HS3ST4: variants seen among roughly 807,000 people sequenced by gnomAD.
The protein encoded by HS3ST4 is heparan sulfate-glucosamine 3-sulfotransferase 4, also known as heparan sulfate glucosamine 3-O-sulfotransferase 4.
HS3ST4 carries 17 observed loss-of-function variants against 29.2 expected under a neutral mutation model. The ratio of observed to expected loss-of-function variants is 0.58; its 90% CI spans 0.40 to 0.87. The LOEUF is 0.87. HS3ST4 is among the 40% of genes least tolerant of loss of function. HS3ST4 has a pLI of 0.00. For missense variants in HS3ST4, 627 were observed against 634.5 expected (o/e 0.99, Z 0.13); for synonymous variants, 314 against 285.7 (o/e 1.10, Z -1.00).
chr16:25,816,140 T>C (rs1967090780), intron 1 of HS3ST4, among the ~76,000 whole-genome samples: 1 of 152,186 alleles, frequency 6.6e-6, no homozygotes, highest in Non-Finnish European at 1.5e-5. Flanking sequence ...AAAATCCCAA[T>C]CATGTGACCA....
chr16:25,792,024 GA>G (rs1966870285), intron 1 of HS3ST4, among the ~76,000 whole-genome samples: 1 of 151,838 alleles, frequency 6.6e-6, no homozygotes, highest in South Asian at 2.1e-4. Flanking sequence ...TAGATTTTAA[GA>G]ACATTTCATT....
chr16:25,767,626 A>G (rs892670147), intron 1 of HS3ST4, among the ~76,000 whole-genome samples: 2 of 152,200 alleles, frequency 1.3e-5, no homozygotes, highest in Non-Finnish European at 2.9e-5. Context: ...GGTACAGGCC[A>G]TTTTGGACCA....
chr16:25,793,570 A>G (rs1442602366), intron 1 of HS3ST4, among the ~76,000 whole-genome samples: 1 of 151,994 alleles, frequency 6.6e-6, no homozygotes, highest in Non-Finnish European at 1.5e-5. Context: ...CTTAAAGGCT[A>G]CTTTGCTGCA....
intron 1 of HS3ST4, among the ~76,000 whole-genome samples, chr16:25,849,795 C>G (rs1967499692): frequency 6.6e-6 from 1 of 151,758 alleles, no homozygotes; most frequent in South Asian, 2.1e-4. Flanking sequence ...GTGTGAGCCA[C>G]CGTGCCTCAC....
intron 1 of HS3ST4, among the ~76,000 whole-genome samples, chr16:25,903,936 A>G (rs930119006): frequency 3.9e-5 from 6 of 152,230 alleles, no homozygotes; most frequent in Non-Finnish European, 8.8e-5. Flanking sequence ...TAGTTCACCT[A>G]AAATGTACTA....
intron 1 of HS3ST4, among the ~76,000 whole-genome samples, chr16:25,809,157 C>G (rs1004892608): frequency 6.6e-6 from 1 of 152,024 alleles, no homozygotes; most frequent in Non-Finnish European, 1.5e-5. Context: ...GAGTGGACAT[C>G]CTTGCCTTGT....
At chr16:25,929,481 C>T (rs377044355) in intron 1 of HS3ST4, among the ~76,000 whole-genome samples, 1 of 152,204 alleles carries the variant, frequency 6.6e-6, no homozygotes, top group African/African-American at 2.4e-5. Context: ...TCTAATCACA[C>T]ATCGCATCCC....
chr16:26,021,726 C>T (rs1307841859), intron 1 of HS3ST4, among the ~76,000 whole-genome samples: 2 of 151,974 alleles, frequency 1.3e-5, no homozygotes, highest in Non-Finnish European at 2.9e-5. Flanking sequence ...TGCAGTGGTG[C>T]GATCTCAGCT....
At chr16:26,039,350 G>T (rs1596659422) in intron 1 of HS3ST4, among the ~76,000 whole-genome samples, 1 of 152,232 alleles carries the variant, frequency 6.6e-6, no homozygotes. Context: ...GTTTTGTTTT[G>T]AGTGTGTGTA....
intron 1 of HS3ST4, among the ~76,000 whole-genome samples, chr16:25,956,656 G>C (rs529311949): frequency 4.1e-4 from 62 of 152,210 alleles, no homozygotes; most frequent in African/African-American, 1.4e-3. Context: ...GGCTGCATGT[G>C]GACAATAAAT....
At chr16:25,786,645 G>A (rs1351604985) in intron 1 of HS3ST4, among the ~76,000 whole-genome samples, 1 of 152,070 alleles carries the variant, frequency 6.6e-6, no homozygotes, top group African/African-American at 2.4e-5. Context: ...GTTCTCTGTA[G>A]AGAACATTTT....
chr16:25,999,010 C>G (rs1161013396), intron 1 of HS3ST4, among the ~76,000 whole-genome samples: 1 of 151,920 alleles, frequency 6.6e-6, no homozygotes, highest in Non-Finnish European at 1.5e-5. Flanking sequence ...GTTTTAAAAT[C>G]CTTTCTCATT....
chr16:26,004,927 C>T (rs779539471), intron 1 of HS3ST4, among the ~76,000 whole-genome samples: 10 of 152,110 alleles, frequency 6.6e-5, no homozygotes, highest in Non-Finnish European at 1.0e-4. Flanking sequence ...AGTGTCTATG[C>T]TTAATGTTCA....
intron 1 of HS3ST4, among the ~76,000 whole-genome samples, chr16:25,958,487 C>CA (rs1272561530): frequency 6.6e-6 from 1 of 152,072 alleles, no homozygotes; most frequent in African/African-American, 2.4e-5. Flanking sequence ...TGCACCACCA[C>CA]ACCCGGCTAA....
chr16:26,061,559 A>T (rs570310237), intron 1 of HS3ST4, among the ~76,000 whole-genome samples: 16 of 152,288 alleles, frequency 1.1e-4, no homozygotes, highest in African/African-American at 3.6e-4. Context: ...CCTACTTTTG[A>T]CTTTACTGTT....
chr16:25,835,417 T>C (rs1383048151), intron 1 of HS3ST4, among the ~76,000 whole-genome samples: 1 of 152,186 alleles, frequency 6.6e-6, no homozygotes. Context: ...TTCAAAGTAT[T>C]GTCTCACACA....
In HS3ST4 at chr16:25,822,015, G is replaced by T. The variant is rs1232100122; in HGVS notation, c.734+128864G>T. 2.6e-5 allele frequency among the ~76,000 whole-genome samples: 4 copies of T among 152,106 alleles called. No individual in the cohort carries two copies. In the East Asian group the frequency reaches 7.7e-4, roughly 29 times the overall value. On this transcript the variant is annotated intron_variant, in intron 1 of 1. Transcript: ENST00000331351. ...ATAGACTGGCTTTCTGCATCTACTT[G>T]TCTTGTTTTTCATCCTCTCCTGTAT... is the stretch of plus-strand genomic sequence containing the variant.
chr16:26,007,911 C>G (rs1404201054), intron 1 of HS3ST4, among the ~76,000 whole-genome samples: 1 of 148,408 alleles, frequency 6.7e-6, no homozygotes. Context: ...AGACACATGG[C>G]CACTTTTTTT....
At chr16:25,943,808 T>C (rs968357297) in intron 1 of HS3ST4, among the ~76,000 whole-genome samples, 2 of 151,812 alleles carry the variant, frequency 1.3e-5, no homozygotes, top group African/African-American at 4.8e-5. Context: ...AACAACGTGG[T>C]GAGATTTAAG....
Sources: gnomAD v4.1 joint callset for allele counts (sites outside exome capture counted in the v4.1 genomes callset) on GRCh38, gnomAD v4.1.1 for gene constraint, MANE v1.5 for transcripts, NCBI Gene and HGNC (gene_info 2026-07-23, HGNC 2026-07-21) for gene names.